Variants in JAM2 observed in about 807,000 individuals in gnomAD.
JAM2 encodes junctional adhesion molecule B.
In JAM2, 17 loss-of-function variants were observed where a neutral mutation model predicts 42.0. The ratio of observed to expected loss-of-function variants is 0.40; its 90% CI spans 0.28 to 0.61. The LOEUF (loss-of-function observed/expected upper bound fraction) is 0.61, where lower values mean the gene tolerates loss of function less well. Among genes scored for constraint, JAM2 ranks in the 20% least tolerant of loss-of-function variants. The probability of loss-of-function intolerance (pLI) is 0.37; values close to 1 mark genes in which losing one functional copy is unlikely to be tolerated. For missense variants in JAM2, 319 were observed against 358.3 expected, an observed-to-expected ratio of 0.89 and a Z score of 0.89; for synonymous variants, 118 against 128.6, an observed-to-expected ratio of 0.92 and a Z score of 0.56.
At chr21:25,656,491 A>G (rs1258114619) in intron 1 of JAM2, among the ~76,000 whole-genome samples, 4 of 152,176 alleles carry the variant, frequency 2.6e-5, no homozygotes, top group Non-Finnish European at 5.9e-5. Flanking sequence ...CCCCAAATCT[A>G]TAAGGATTCT....
chr21:25,684,096 C>T (rs1373840149), intron 2 of JAM2, 148 bp downstream of exon 2: 2 of 505,176 alleles, frequency 4.0e-6, no homozygotes, highest in Non-Finnish European at 6.8e-6. Context: ...GCTGACTCCA[C>T]CTCAAGAACA....
At chr21:25,644,810 T>C (rs2032555649) in intron 1 of JAM2, among the ~76,000 whole-genome samples, 2 of 152,228 alleles carry the variant, frequency 1.3e-5, no homozygotes, top group African/African-American at 4.8e-5. Flanking sequence ...GAAGCCACCA[T>C]AACTTTTACC....
At position 25,673,852 on chromosome 21, in the gene JAM2, C is replaced by T. The variant is rs183404685; in HGVS notation, c.68-10031C>T. Among the ~76,000 whole-genome samples the T allele has an allele frequency of 2.4e-3, 370 of 152,324 alleles. 1 individual carries two copies. Among genetic ancestry groups the T allele is most frequent in the African/African-American group, 8.5e-3 (352 of 41,568 alleles). ...CTTGAATTGTAGCTCCTGTAATTCCCACATGCTGTGGGAGGGACCTGGTGG... is the reference window on the plus strand; with the variant it reads ...CTTGAATTGTAGCTCCTGTAATTCCTACATGCTGTGGGAGGGACCTGGTGG... On this transcript the variant is annotated intron_variant, in intron 1 of 9. Coordinates refer to ENST00000480456, the MANE Select transcript of JAM2 (RefSeq NM_021219.4).
At chr21:25,674,132 G>A (rs1364499337) in intron 1 of JAM2, among the ~76,000 whole-genome samples, 3 of 152,166 alleles carry the variant, frequency 2.0e-5, no homozygotes, top group Non-Finnish European at 2.9e-5. Context: ...AGTGGCTCAC[G>A]CCTATAATCC....
chr21:25,715,324 T>C lies in JAM2; in HGVS notation c.*652T>C. Reference sequence around the variant, plus strand: ...ACAGGATTTGCCTGGTGTGTGTCACTGATTTCTTCATTAAACGTAATTTAG... The same window carrying C: ...ACAGGATTTGCCTGGTGTGTGTCACCGATTTCTTCATTAAACGTAATTTAG... On this transcript the variant is annotated 3_prime_UTR_variant, in exon 10 of 10. Transcript: ENST00000480456. 1 of 152,374 alleles carries C rather than the reference T, an allele frequency of 6.6e-6. No individual in the cohort carries two copies. The highest frequency in any genetic ancestry group is 1.5e-5 in the Non-Finnish European group (1 of 68,030). The allele number at this position is 152,374 out of a possible 1,614,324, so 9.4% of individuals were successfully genotyped here.
At chr21:25,686,455 T>C (rs1215047835) in intron 2 of JAM2, among the ~76,000 whole-genome samples, 1 of 88,934 alleles carries the variant, frequency 1.1e-5, no homozygotes, top group African/African-American at 4.9e-5. Flanking sequence ...TATGTGTATG[T>C]GTGTTTCACC....
chr21:25,709,059 C>G (rs1376209549), intron 7 of JAM2, among the ~76,000 whole-genome samples: 1 of 151,964 alleles, frequency 6.6e-6, no homozygotes, highest in South Asian at 2.1e-4. Context: ...GACTTTGAAC[C>G]CCAATTAAGA....
chr21:25,660,227 T>C (rs1162156887), intron 1 of JAM2, among the ~76,000 whole-genome samples: 3 of 152,190 alleles, frequency 2.0e-5, no homozygotes, highest in Non-Finnish European at 4.4e-5. Flanking sequence ...GCCCCTCTTA[T>C]AGTTTTATTG....
chr21:25,706,175 T>G (rs1384358084), intron 7 of JAM2, 89 bp downstream of exon 7: 9 of 860,850 alleles, frequency 1.0e-5, no homozygotes, highest in Non-Finnish European at 1.7e-5. Context: ...GAAGTTGTTT[T>G]TTTGTTTGTT....
chr21:25,714,706 T>A lies in JAM2; in HGVS notation c.*34T>A. On this transcript the variant is annotated 3_prime_UTR_variant, in exon 10 of 10. Transcript: ENST00000480456. ...CTTTAGAGATACACCAAAGCCACCG[T>A]TGTTACACAAGTTATTAAACTATTA... 1.4e-6 allele frequency: 2 copies of A among 1,387,040 alleles called. No homozygotes were observed. Among genetic ancestry groups the A allele is most frequent in the Non-Finnish European group, 1.9e-6 (2 of 1,027,062 alleles). 85.9% of individuals were successfully genotyped at this position (1,387,040 alleles called of 1,614,324 possible). A position where few individuals can be genotyped will look rare whatever the true frequency, so the allele number is the denominator to read the frequency against.
chr21:25,713,487 A>C (rs1385042394), intron 9 of JAM2, among the ~76,000 whole-genome samples: 1 of 142,958 alleles, frequency 7.0e-6, no homozygotes, highest in Non-Finnish European at 1.5e-5. Flanking sequence ...TGAGAAACAA[A>C]GCATGGGTTC....
intron 8 of JAM2, among the ~76,000 whole-genome samples, chr21:25,711,828 A>G (rs566169213): frequency 1.3e-5 from 2 of 152,336 alleles, no homozygotes; most frequent in East Asian, 3.9e-4. Flanking sequence ...TTCTATCAGT[A>G]TCTCTAGCAA....
At chr21:25,707,110 GAAAT>G (rs775872998) in intron 7 of JAM2, among the ~76,000 whole-genome samples, 1 of 152,160 alleles carries the variant, frequency 6.6e-6, no homozygotes, top group African/African-American at 2.4e-5. Flanking sequence ...AAATTTCATT[GAAAT>G]AAATAAGTGA....
rs1398152240 is a variant in JAM2 at position 25,639,838 on chromosome 21, G to A, written c.17G>A (p.Arg6His). Residue 6 changes from arginine (R) to histidine (H), a missense_variant, in exon 1 of 10, where the codon CGC (arginine) becomes CAC (histidine). Transcript: ENST00000480456. The part of the protein sequence containing the change: MARRS[R>H]HRLLLLLLRY... ...CCCGGGAAGATGGCGAGGAGGAGCC[G>A]CCACCGCCTCCTCCTGCTGCTGCTG... is the stretch of plus-strand genomic sequence containing the variant. 1 of 1,588,190 alleles carries A rather than the reference G, an allele frequency of 6.3e-7. No individual in the cohort carries two copies. Among genetic ancestry groups the A allele is most frequent in the African/African-American group, 1.3e-5 (1 of 74,518 alleles).
chr21:25,656,108 TA>T (rs1166937045), intron 1 of JAM2, among the ~76,000 whole-genome samples: 1 of 152,078 alleles, frequency 6.6e-6, no homozygotes, highest in Non-Finnish European at 1.5e-5. Flanking sequence ...TTTAATATTT[TA>T]TTCCCTAAAA....
chr21:25,670,618 TG>T (rs1442523586), intron 1 of JAM2, among the ~76,000 whole-genome samples: 1 of 152,246 alleles, frequency 6.6e-6, no homozygotes, highest in East Asian at 1.9e-4. Context: ...TTTATTTTAT[TG>T]GTCTAGTTCA....
intron 5 of JAM2, among the ~76,000 whole-genome samples, chr21:25,700,768 A>G (rs1416959426): frequency 1.3e-5 from 2 of 152,254 alleles, no homozygotes; most frequent in East Asian, 1.9e-4. Context: ...GCAAATTGCT[A>G]AAGTGGCTGA....
intron 3 of JAM2, among the ~76,000 whole-genome samples, chr21:25,690,999 C>T (rs139203031): frequency 1.5e-4 from 23 of 152,226 alleles, no homozygotes; most frequent in East Asian, 5.8e-4. Context: ...ACAAGATAAA[C>T]CATGCATTGA....
intron 1 of JAM2, among the ~76,000 whole-genome samples, chr21:25,657,341 A>G (rs2032965837): frequency 6.6e-6 from 1 of 152,254 alleles, no homozygotes; most frequent in Non-Finnish European, 1.5e-5. Context: ...CTAAAAGAGT[A>G]TTAGTCACAT....
Sources: allele counts gnomAD v4.1 joint callset (sites outside exome capture counted in the v4.1 genomes callset), GRCh38; gene constraint gnomAD v4.1.1; transcripts MANE v1.5; gene names NCBI Gene and HGNC (gene_info 2026-07-23, HGNC 2026-07-21).